The following DCC variants were observed in gnomAD, a reference collection of about 807,000 sequenced individuals.
DCC encodes the protein DCC netrin 1 receptor, also known as netrin receptor DCC.
DCC carries 58 observed loss-of-function variants against 172.5 expected under a neutral mutation model. The observed-to-expected ratio is 0.34, with a 90% CI of 0.27 to 0.42. DCC has a LOEUF of 0.42. DCC is among the 10% of genes least tolerant of loss of function. The probability of loss-of-function intolerance (pLI) is 1.00; values close to 1 mark genes in which losing one functional copy is unlikely to be tolerated. For synonymous variants in DCC, 709 were observed against 644.5 expected, an observed-to-expected ratio of 1.10 and a Z score of -1.52; for missense variants, 1,740 against 1,791.0, an observed-to-expected ratio of 0.97 and a Z score of 0.51.
chr18:53,508,441 C>T (rs988287400), intron 27 of DCC, among the ~76,000 whole-genome samples: 2 of 151,998 alleles, frequency 1.3e-5, no homozygotes, highest in Non-Finnish European at 2.9e-5. Flanking sequence ...GATTTACCCA[C>T]CTCACTCTCC....
chr18:52,738,629 G>A (rs575399098), intron 1 of DCC, among the ~76,000 whole-genome samples: 55 of 152,088 alleles, frequency 3.6e-4, no homozygotes, highest in Admixed American at 9.8e-4. Context: ...AACACTGTAC[G>A]CCTAGGCTAC....
intron 5 of DCC, among the ~76,000 whole-genome samples, chr18:52,969,172 A>G (rs919113947): frequency 2.6e-5 from 4 of 152,000 alleles, no homozygotes; most frequent in Non-Finnish European, 5.9e-5. Context: ...TTTTACTGCT[A>G]TTCACCTATG....
intron 7 of DCC, among the ~76,000 whole-genome samples, chr18:53,097,445 GGACCTGATGTCATT>G (rs1177040356): frequency 6.6e-6 from 1 of 152,092 alleles, no homozygotes; most frequent in Non-Finnish European, 1.5e-5. Context: ...TCTATATGCT[GGACCTGATGTCATT>G]TTAAAATAAT....
intron 3 of DCC, among the ~76,000 whole-genome samples, chr18:52,913,327 G>A (rs1479069306): frequency 6.6e-6 from 1 of 152,058 alleles, no homozygotes; most frequent in Non-Finnish European, 1.5e-5. Flanking sequence ...GACCATTTCT[G>A]TTTGATTCTG....
chr18:53,432,381 C>T (rs1280277343), intron 21 of DCC, among the ~76,000 whole-genome samples: 4 of 152,052 alleles, frequency 2.6e-5, no homozygotes, highest in South Asian at 2.1e-4. Flanking sequence ...TAGGACTATG[C>T]GTTGCATGTA....
intron 2 of DCC, among the ~76,000 whole-genome samples, chr18:52,786,374 C>A (rs2037660411): frequency 6.6e-6 from 1 of 151,980 alleles, no homozygotes; most frequent in African/African-American, 2.4e-5. Context: ...GGCAAAAAAA[C>A]TTAAAAACAA....
intron 1 of DCC, among the ~76,000 whole-genome samples, chr18:52,377,253 A>G (rs1985388901): frequency 6.6e-6 from 1 of 152,206 alleles, no homozygotes; most frequent in East Asian, 1.9e-4. Context: ...GAACCAGCCT[A>G]CATTACTATC....
At chr18:53,448,252 A>T (rs1351254012) in intron 22 of DCC, among the ~76,000 whole-genome samples, 2 of 152,174 alleles carry the variant, frequency 1.3e-5, no homozygotes, top group East Asian at 3.9e-4. Flanking sequence ...TTATAAAGGA[A>T]AGAGGTTTAA....
chr18:53,099,666 A>G (rs1202860564), intron 7 of DCC, among the ~76,000 whole-genome samples: 2 of 152,160 alleles, frequency 1.3e-5, no homozygotes, highest in Non-Finnish European at 1.5e-5. Flanking sequence ...GACAACAGGT[A>G]GGGATTAATC....
At chr18:53,255,366 TC>T (rs534604126) in intron 12 of DCC, among the ~76,000 whole-genome samples, 62 of 76,684 alleles carry the variant, frequency 8.1e-4, no homozygotes, top group Non-Finnish European at 1.3e-3. Context: ...CCCTCCCCCC[TC>T]CCCCCACCCC....
rs141848209 is a variant in DCC, at chr18:52,447,527, A to G, written c.91+106649A>G. Among the ~76,000 whole-genome samples the G allele has an allele frequency of 4.2e-3, 636 of 152,300 alleles. 4 individuals are homozygous for G. The highest frequency in any genetic ancestry group is 0.014 in the African/African-American group (595 of 41,570). On this transcript the variant is annotated intron_variant, in intron 1 of 28. Transcript: ENST00000442544. ...GAGATGCTACTCACTTGGATACCCAAGGATAGGCTGCTCAACTTCACCAGA... is the reference window on the plus strand; with the variant it reads ...GAGATGCTACTCACTTGGATACCCAGGGATAGGCTGCTCAACTTCACCAGA...
chr18:52,845,937 TAA>T (rs1429845333), intron 2 of DCC, among the ~76,000 whole-genome samples: 3 of 152,192 alleles, frequency 2.0e-5, no homozygotes, highest in Non-Finnish European at 2.9e-5. Context: ...TGATTATACT[TAA>T]GTTTCCTTTT....
At chr18:53,503,355 G>GGTATTTATGGTGTTT (rs1293406772) in intron 27 of DCC, among the ~76,000 whole-genome samples, 3 of 151,898 alleles carry the variant, frequency 2.0e-5, no homozygotes, top group Non-Finnish European at 4.4e-5. Context: ...AAGACTCTAG[G>GGTATTTATGGTGTTT]GTATTTATGG....
chr18:52,436,355 A>G (rs2144484728), intron 1 of DCC, among the ~76,000 whole-genome samples: 1 of 152,338 alleles, frequency 6.6e-6, no homozygotes, highest in African/African-American at 2.4e-5. Context: ...AAACCTTGTC[A>G]TGAATGACTC....
intron 1 of DCC, among the ~76,000 whole-genome samples, chr18:52,642,889 C>G (rs913065938): frequency 2.0e-5 from 3 of 152,154 alleles, no homozygotes; most frequent in Non-Finnish European, 4.4e-5. Flanking sequence ...GTCTTGAACT[C>G]CTGGTCTCAA....
chr18:53,030,233 C>G (rs1449121416), intron 5 of DCC, among the ~76,000 whole-genome samples: 2 of 152,322 alleles, frequency 1.3e-5, no homozygotes, highest in East Asian at 3.9e-4. Flanking sequence ...CCACTAACTT[C>G]TGGCTACCTT....
At chr18:53,451,735 ATC>A (rs760128698) in intron 23 of DCC, among the ~76,000 whole-genome samples, 2 of 112,144 alleles carry the variant, frequency 1.8e-5, no homozygotes, top group Admixed American at 9.0e-5. Context: ...CTCTCTCTCC[ATC>A]TCTCTCTCTC....
intron 2 of DCC, among the ~76,000 whole-genome samples, chr18:52,905,175 ATTTGT>A (rs1568178518): frequency 1.3e-5 from 2 of 150,088 alleles, no homozygotes; most frequent in South Asian, 2.1e-4. Context: ...TGGCCAGTTT[ATTTGT>A]TTTATTTTTT....
In DCC at chr18:53,534,637, CATAG is replaced by C. The variant is rs967261244; in HGVS notation, c.*3989_*3992del. On this transcript the variant is annotated 3_prime_UTR_variant, in exon 29 of 29. Transcript: ENST00000442544. ...AATTAAATTGGATACTTGGGAAAAT[CATAG>C]ATAGGTGTTTTGTATGATATTCCAT... The C allele has an allele frequency of 3.3e-5, 5 of 152,264 alleles. No homozygotes were observed. In the South Asian group the frequency reaches 6.2e-4, roughly 19 times the overall value. The allele number at this position is 152,264 out of a possible 1,614,324, so 9.4% of individuals were successfully genotyped here.
Sources: allele counts gnomAD v4.1 joint callset (sites outside exome capture counted in the v4.1 genomes callset), GRCh38; gene constraint gnomAD v4.1.1; transcripts MANE v1.5; gene names NCBI Gene and HGNC (gene_info 2026-07-23, HGNC 2026-07-21).